ANXA10: variants seen among roughly 807,000 people sequenced by gnomAD.
The protein encoded by ANXA10 is annexin A10.
In ANXA10, 49 loss-of-function variants were observed where a neutral mutation model predicts 53.5. The observed-to-expected ratio is 0.92, with a 90% CI of 0.73 to 1.16. The LOEUF is 1.16. ANXA10 is among the 50% of genes most tolerant of loss of function. ANXA10 has a pLI of 0.00. For missense variants in ANXA10, 393 were observed against 394.4 expected (o/e 1.00, Z 0.03); for synonymous variants, 131 against 128.9 (o/e 1.02, Z -0.11).
At chr4:168,108,167 G>T (rs1185934889) in intron 1 of ANXA10, among the ~76,000 whole-genome samples, 1 of 152,086 alleles carries the variant, frequency 6.6e-6, no homozygotes, top group Admixed American at 6.5e-5. Context: ...ACGACCAGGG[G>T]TCACTCTCAT....
At chr4:168,157,707 T>C (rs1257998164) in intron 3 of ANXA10, among the ~76,000 whole-genome samples, 1 of 152,198 alleles carries the variant, frequency 6.6e-6, no homozygotes, top group African/African-American at 2.4e-5. Flanking sequence ...GAATTTAATA[T>C]AAATGTAATC....
chr4:168,116,996 G>GACACACACACAC (rs9312272), intron 1 of ANXA10, among the ~76,000 whole-genome samples: 60,917 of 150,940 alleles, frequency 0.4, 12,814 homozygotes, highest in East Asian at 0.6. Context: ...TTTTCACACA[G>GACACACACACAC]ACACACACAC....
intron 9 of ANXA10, 112 bp downstream of exon 9, chr4:168,179,424 C>A: frequency 1.4e-6 from 1 of 730,064 alleles, no homozygotes; most frequent in Non-Finnish European, 2.2e-6. Context: ...GTCATTTTCC[C>A]TTGAATTTAA....
At chr4:168,115,246 T>C (rs997726273) in intron 1 of ANXA10, among the ~76,000 whole-genome samples, 1 of 152,128 alleles carries the variant, frequency 6.6e-6, no homozygotes. Flanking sequence ...TCCATCTTGA[T>C]GCTGAATAAC....
chr4:168,096,645 T>G (rs1730545446), intron 1 of ANXA10, among the ~76,000 whole-genome samples: 1 of 151,950 alleles, frequency 6.6e-6, no homozygotes, highest in Non-Finnish European at 1.5e-5. Flanking sequence ...ACTTGCTGAA[T>G]CTTTCTGCAC....
chr4:168,127,119 G>A (rs1004551176), intron 1 of ANXA10, among the ~76,000 whole-genome samples: 1 of 152,082 alleles, frequency 6.6e-6, no homozygotes, highest in Non-Finnish European at 1.5e-5. Context: ...AACAGGGAGA[G>A]CTGCCCTTCT....
At chr4:168,144,272 C>G (rs1731372910) in intron 3 of ANXA10, among the ~76,000 whole-genome samples, 1 of 152,134 alleles carries the variant, frequency 6.6e-6, no homozygotes, top group African/African-American at 2.4e-5. Flanking sequence ...CTGCAACCTC[C>G]ACCTCCCAGG....
chr4:168,153,416 C>A (rs1731530331), intron 3 of ANXA10, among the ~76,000 whole-genome samples: 1 of 60,732 alleles, frequency 1.6e-5, no homozygotes, highest in African/African-American at 6.5e-5. Context: ...TGCTAAAAGC[C>A]TAAAGCAAAA....
chr4:168,158,796 G>A (rs1048887229), intron 3 of ANXA10, among the ~76,000 whole-genome samples: 6 of 152,094 alleles, frequency 3.9e-5, no homozygotes, highest in Admixed American at 2.6e-4. Context: ...ACATTAGTTG[G>A]TTTAGATATG....
intron 3 of ANXA10, among the ~76,000 whole-genome samples, chr4:168,153,423 A>C (rs926362027): frequency 1.4e-5 from 1 of 71,902 alleles, no homozygotes; most frequent in Non-Finnish European, 2.7e-5. Context: ...AGCCTAAAGC[A>C]AAAAAAAAAA....
chr4:168,187,308 T>C, intron 11 of ANXA10, 58 bp from the exon 12 acceptor site: 4 of 1,184,462 alleles, frequency 3.4e-6, no homozygotes, highest in Non-Finnish European at 4.7e-6. Context: ...GGAATTATGC[T>C]TCCTTTTTAG....
chr4:168,123,954 T>C lies in ANXA10; in HGVS notation c.19-4130T>C, dbSNP rs189477009. On this transcript the variant is annotated intron_variant, in intron 1 of 11. Transcript: ENST00000359299. Reference sequence around the variant, plus strand: ...TCCTGGAGATCCAAATCCTTCTTCCTTTACTTGCAAGAACAGTTCTATTTC... The same window carrying C: ...TCCTGGAGATCCAAATCCTTCTTCCCTTACTTGCAAGAACAGTTCTATTTC... 7.2e-5 allele frequency among the ~76,000 whole-genome samples: 11 copies of C among 152,306 alleles called. No homozygotes were observed. In the East Asian group the frequency reaches 1.3e-3, roughly 19 times the overall value.
Position 168,144,483 on chromosome 4 carries a change from AGTT to A in ANXA10, c.195+4910_195+4912del, listed in dbSNP as rs570317945. Reference sequence around the variant, plus strand: ...ATTACAGGCATGAGCCACTGCGCCCAGTTGTTGTTCTTACTTACCACTAGAAAA... The same window carrying A: ...ATTACAGGCATGAGCCACTGCGCCCAGTTGTTCTTACTTACCACTAGAAAA... On this transcript the variant is annotated intron_variant, in intron 3 of 11. Coordinates refer to ENST00000359299, the MANE Select transcript of ANXA10 (RefSeq NM_007193.5). 7.7e-3 allele frequency among the ~76,000 whole-genome samples: 1,171 copies of A among 152,226 alleles called. 3 individuals are homozygous for A. The highest frequency in any genetic ancestry group is 0.044 in the Middle Eastern group (13 of 294).
chr4:168,141,622 AGTGACAATTC>A (rs1167029540), intron 3 of ANXA10, among the ~76,000 whole-genome samples: 1 of 152,230 alleles, frequency 6.6e-6, no homozygotes, highest in Non-Finnish European at 1.5e-5. Context: ...ATAATGGCCA[AGTGACAATTC>A]AAAGACAGCA....
intron 3 of ANXA10, among the ~76,000 whole-genome samples, chr4:168,146,438 G>A (rs949053416): frequency 1.3e-5 from 2 of 152,312 alleles, no homozygotes; most frequent in Admixed American, 1.3e-4. Context: ...AACTACAGGG[G>A]CAATATCCTA....
chr4:168,114,508 GT>G (rs1158493911), intron 1 of ANXA10, among the ~76,000 whole-genome samples: 1 of 152,078 alleles, frequency 6.6e-6, no homozygotes, highest in African/African-American at 2.4e-5. Flanking sequence ...GTCCCCTCTT[GT>G]TTTTTTAGCA....
chr4:168,121,851 T>C (rs1378334883), intron 1 of ANXA10, among the ~76,000 whole-genome samples: 1 of 152,166 alleles, frequency 6.6e-6, no homozygotes, highest in African/African-American at 2.4e-5. Flanking sequence ...TTGTTTTGTT[T>C]TTGTTTTTCT....
At chr4:168,163,741 T>C (rs1334235746) in intron 4 of ANXA10, among the ~76,000 whole-genome samples, 2 of 152,150 alleles carry the variant, frequency 1.3e-5, no homozygotes, top group Admixed American at 6.6e-5. Context: ...CAAATATTTA[T>C]GCAAATTGTA....
At chr4:168,126,417 A>G (rs1376588596) in intron 1 of ANXA10, among the ~76,000 whole-genome samples, 1 of 152,100 alleles carries the variant, frequency 6.6e-6, no homozygotes, top group Non-Finnish European at 1.5e-5. Flanking sequence ...CATTCTTTAC[A>G]TTGTTATAAA....
Sources: gnomAD v4.1 joint callset for allele counts (sites outside exome capture counted in the v4.1 genomes callset) on GRCh38, gnomAD v4.1.1 for gene constraint, MANE v1.5 for transcripts, NCBI Gene and HGNC (gene_info 2026-07-23, HGNC 2026-07-21) for gene names.